Variants in LPIN1 observed in about 807,000 individuals in gnomAD.
LPIN1 encodes the protein lipin 1.
LPIN1 carries 71 observed loss-of-function variants against 107.5 expected under a neutral mutation model. The ratio of observed to expected loss-of-function variants is 0.66; its 90% CI spans 0.55 to 0.80. The LOEUF is 0.80. Among genes scored for constraint, LPIN1 ranks in the 30% least tolerant of loss-of-function variants. The pLI is 0.00. For missense variants in LPIN1, 1,043 were observed against 1,160.6 expected, an observed-to-expected ratio of 0.90 and a Z score of 1.47; for synonymous variants, 445 against 452.6, an observed-to-expected ratio of 0.98 and a Z score of 0.21.
intron 1 of LPIN1, among the ~76,000 whole-genome samples, chr2:11,752,792 G>A (rs537125134): frequency 1.2e-4 from 18 of 152,284 alleles, no homozygotes; most frequent in African/African-American, 4.3e-4. Flanking sequence ...CAAAAATTGT[G>A]GGGTTAGGAA....
In LPIN1 at chr2:11,765,259, A is replaced by G. The variant is rs1369888838; in HGVS notation, c.-9-274A>G. Among the ~76,000 whole-genome samples the G allele has an allele frequency of 1.4e-4, 18 of 128,952 alleles. No homozygotes were observed. Among genetic ancestry groups the G allele is most frequent in the African/African-American group, 5.2e-4 (17 of 32,718 alleles). The allele number at this position is 128,952 out of a possible 152,430, so 84.6% of individuals were successfully genotyped here. A position where few individuals can be genotyped will look rare whatever the true frequency, so the allele number is the denominator to read the frequency against. ...GATGGGCCCTGATGGACCCTGATGG[A>G]CCCTGATGGGCCGTGATGGACCCTG... On this transcript the variant is annotated intron_variant, in intron 1 of 20. Coordinates refer to ENST00000674199, the MANE Select transcript of LPIN1 (RefSeq NM_001349206.2). The surrounding 1 kb of genome is among the most constrained non-coding windows in gnomAD (Gnocchi z 4.4).
rs928472409 is a variant in LPIN1 at position 11,774,376 on chromosome 2, A to G, written c.722+631A>G. Among the ~76,000 whole-genome samples the G allele has an allele frequency of 6.6e-6, 1 of 152,184 alleles. No individual in the cohort carries two copies. The highest frequency in any genetic ancestry group is 1.5e-5 in the Non-Finnish European group (1 of 68,012). On this transcript the variant is annotated intron_variant, in intron 5 of 20. Transcript: ENST00000674199. This position sits in a 1 kb window ranked among gnomAD's most constrained non-coding sequence, Gnocchi z 4.4. ...TAAATCCTGTGTTCTCAACACAGGA[A>G]ATAATATAACCCCCATTGGGATGAA...
At chr2:11,770,245 G>T (rs1671621946) in intron 3 of LPIN1, among the ~76,000 whole-genome samples, 1 of 152,212 alleles carries the variant, frequency 6.6e-6, no homozygotes, top group South Asian at 2.1e-4. Context: ...TGCTGGTCTT[G>T]CTGGCCTGAC....
chr2:11,812,149 C>T (rs1679777594), intron 17 of LPIN1, among the ~76,000 whole-genome samples: 1 of 152,188 alleles, frequency 6.6e-6, no homozygotes, highest in Admixed American at 6.5e-5. Context: ...ATCCATTGGC[C>T]ATTATAAAAT....
chr2:11,746,681 C>G lies in LPIN1; in HGVS notation c.-10+10C>G. The G allele has an allele frequency of 1.0e-6, 1 of 983,882 alleles. No individual in the cohort carries two copies. Among genetic ancestry groups the G allele is most frequent in the Non-Finnish European group, 1.2e-6 (1 of 828,678 alleles). The allele number at this position is 983,882 out of a possible 1,614,324, so 60.9% of individuals were successfully genotyped here. The stretch of plus-strand genomic sequence containing the variant: ...CGCGCGGCGCCGCTCGGTGAGTAGC[C>G]GCCGCCTCCAGCCTCCCGCTGTGGA... On this transcript the variant is annotated intron_variant, in intron 1 of 20. Transcript: ENST00000674199.
At chr2:11,718,439 C>T (rs1040844414) in intron 2 of LPIN1, among the ~76,000 whole-genome samples, 2 of 152,158 alleles carry the variant, frequency 1.3e-5, no homozygotes, top group African/African-American at 4.8e-5. Context: ...CCATGTTGGT[C>T]AGGCTGGTCT....
chr2:11,763,694 T>G (rs1358789159), intron 1 of LPIN1, among the ~76,000 whole-genome samples: 1 of 152,112 alleles, frequency 6.6e-6, no homozygotes, highest in Non-Finnish European at 1.5e-5. Flanking sequence ...AGCCCGCATC[T>G]CCTGGCACGG....
chr2:11,770,361 G>A (rs1572710489), intron 3 of LPIN1, among the ~76,000 whole-genome samples: 2 of 152,172 alleles, frequency 1.3e-5, no homozygotes, highest in Non-Finnish European at 2.9e-5. Context: ...GAGAGCCCGT[G>A]TCCTTCAGCA....
intron 7 of LPIN1, 34 bp from the exon 8 acceptor site, chr2:11,782,167 C>G: frequency 6.5e-7 from 1 of 1,532,174 alleles, no homozygotes; most frequent in Non-Finnish European, 9.0e-7. Context: ...CTGACCTTGT[C>G]TCTCTCTCTG....
chr2:11,759,953 A>G (rs1669455515), intron 1 of LPIN1, among the ~76,000 whole-genome samples: 1 of 148,104 alleles, frequency 6.8e-6, no homozygotes, highest in African/African-American at 2.5e-5. Context: ...GGGGCTCCTC[A>G]CTTCTCAGAC....
intron 20 of LPIN1, among the ~76,000 whole-genome samples, chr2:11,824,349 C>A (rs1487696297): frequency 6.6e-6 from 1 of 151,400 alleles, no homozygotes; most frequent in African/African-American, 2.4e-5. Context: ...CTTCCTCCTG[C>A]CGTCTTTTGC....
chr2:11,788,517 G>C (rs1270440526), intron 12 of LPIN1, 61 bp downstream of exon 12: 1 of 1,311,492 alleles, frequency 7.6e-7, no homozygotes, highest in Admixed American at 1.7e-5. Context: ...TTAATCTGGG[G>C]TGGTTGGAAT....
At chr2:11,704,441 G>A (rs1347478182) in intron 1 of LPIN1, among the ~76,000 whole-genome samples, 2 of 152,194 alleles carry the variant, frequency 1.3e-5, no homozygotes, top group South Asian at 2.1e-4. Flanking sequence ...ATTGTGATGT[G>A]TCCAGTGGGA....
At chr2:11,759,401 C>T (rs1478168374) in intron 1 of LPIN1, among the ~76,000 whole-genome samples, 1 of 151,910 alleles carries the variant, frequency 6.6e-6, no homozygotes, top group Non-Finnish European at 1.5e-5. Flanking sequence ...AGCCTGCTGC[C>T]TTCAAGCATC....
At chr2:11,814,536 G>T (rs1680245985) in intron 17 of LPIN1, among the ~76,000 whole-genome samples, 1 of 151,858 alleles carries the variant, frequency 6.6e-6, no homozygotes, top group African/African-American at 2.4e-5. Context: ...GTGTGTGTGT[G>T]TGTGTGTGTG....
intron 1 of LPIN1, among the ~76,000 whole-genome samples, chr2:11,761,831 C>T (rs1287585563): frequency 6.6e-6 from 1 of 152,148 alleles, no homozygotes; most frequent in African/African-American, 2.4e-5. Flanking sequence ...AAAGAACAAA[C>T]AAACCATACA....
At chr2:11,802,163 C>T (rs1196775218) in intron 14 of LPIN1, among the ~76,000 whole-genome samples, 2 of 152,190 alleles carry the variant, frequency 1.3e-5, no homozygotes, top group African/African-American at 2.4e-5. Flanking sequence ...AGAGCTGATA[C>T]TACTGGGTTG....
At chr2:11,748,006 G>A (rs1238242146) in intron 1 of LPIN1, among the ~76,000 whole-genome samples, 2 of 152,204 alleles carry the variant, frequency 1.3e-5, no homozygotes, top group Non-Finnish European at 1.5e-5. Context: ...CCCAGGTCTC[G>A]CTTATCAGCA....
At chr2:11,691,701 A>G (rs1662281556) in intron 1 of LPIN1, among the ~76,000 whole-genome samples, 1 of 152,226 alleles carries the variant, frequency 6.6e-6, no homozygotes, top group South Asian at 2.1e-4. Context: ...CATCTTGACC[A>G]TGAGCCACAA....
Sources: allele counts gnomAD v4.1 joint callset (sites outside exome capture counted in the v4.1 genomes callset), GRCh38; gene constraint gnomAD v4.1.1; non-coding constraint Gnocchi (gnomAD v3.1); transcripts MANE v1.5; gene names NCBI Gene and HGNC (gene_info 2026-07-23, HGNC 2026-07-21).